GLMN: variants seen among roughly 807,000 people sequenced by gnomAD.
GLMN encodes glomulin.
Under a neutral mutation model 87.8 loss-of-function variants are expected in GLMN, and 75 were observed. That is an observed-to-expected ratio of 0.85 (90% CI 0.71 to 1.04). The LOEUF is 1.04. Ranked by LOEUF, GLMN falls within the 50% of genes least tolerant of loss-of-function variation. The pLI is 0.00. For synonymous variants in GLMN, 206 were observed against 221.6 expected (o/e 0.93, Z 0.63); for missense variants, 588 against 658.8 (o/e 0.89, Z 1.18).
chr1:92,348,540 C>A, the GLMN span, among the ~76,000 whole-genome samples: 32 of 152,208 alleles, frequency 2.1e-4, no homozygotes, highest in Non-Finnish European at 4.4e-4. Context: ...TCTCCCTATT[C>A]TTTTGATCAT....
intron 16 of GLMN, among the ~76,000 whole-genome samples, chr1:92,261,566 G>GA (rs1199614475): frequency 6.6e-6 from 1 of 152,192 alleles, no homozygotes; most frequent in African/African-American, 2.4e-5. Flanking sequence ...AATTAACTAG[G>GA]AAGGGGTATG....
intron 16 of GLMN, among the ~76,000 whole-genome samples, chr1:92,258,327 T>C (rs1337974778): frequency 1.3e-5 from 2 of 152,180 alleles, no homozygotes; most frequent in South Asian, 4.1e-4. Context: ...AGTTCAACCA[T>C]TGTGGAAGAC....
chr1:92,316,832 A>T, the GLMN span, among the ~76,000 whole-genome samples: 1 of 152,220 alleles, frequency 6.6e-6, no homozygotes, highest in African/African-American at 2.4e-5. Context: ...AGCACCTAGC[A>T]AAAACAAACT....
chr1:92,351,543 G>A, the GLMN span, among the ~76,000 whole-genome samples: 2 of 151,980 alleles, frequency 1.3e-5, no homozygotes, highest in Non-Finnish European at 2.9e-5. Flanking sequence ...AGGACACATC[G>A]CTCAGCTTCT....
intron 7 of GLMN, among the ~76,000 whole-genome samples, chr1:92,279,152 T>G (rs976938675): frequency 6.6e-6 from 1 of 152,140 alleles, no homozygotes; most frequent in East Asian, 1.9e-4. Context: ...TAAAGTCACT[T>G]TGTACATTAA....
the GLMN span, chr1:92,323,510 C>G: frequency 1.2e-6 from 2 of 1,613,870 alleles, no homozygotes; most frequent in Admixed American, 3.3e-5. Flanking sequence ...ATCGACAATC[C>G]TAGCCACTTT....
chr1:92,340,648 GC>G, the GLMN span, among the ~76,000 whole-genome samples: 381 of 152,236 alleles, frequency 2.5e-3, 3 homozygotes, highest in South Asian at 9.1e-3. Flanking sequence ...TTTTCTAAAA[GC>G]CCCCCTTAGA....
At chr1:92,327,780 A>G in the GLMN span, among the ~76,000 whole-genome samples, 3 of 150,984 alleles carry the variant, frequency 2.0e-5, no homozygotes, top group African/African-American at 4.9e-5. Flanking sequence ...AAGAGATTCT[A>G]TTTTGGTATT....
intron 7 of GLMN, among the ~76,000 whole-genome samples, chr1:92,278,501 C>CT (rs1186544933): frequency 2.6e-5 from 4 of 152,194 alleles, no homozygotes; most frequent in Non-Finnish European, 5.9e-5. Context: ...TCTAGCATCC[C>CT]TTCATCTGAC....
chr1:92,341,267 C>A, the GLMN span, among the ~76,000 whole-genome samples: 86 of 152,290 alleles, frequency 5.6e-4, 1 homozygote, highest in African/African-American at 1.9e-3. Context: ...CCTCAGACTT[C>A]CAAAGTGCTG....
At chr1:92,297,917 C>T in intron 2 of GLMN, 44 bp downstream of exon 2, 1 of 915,340 alleles carries the variant, frequency 1.1e-6, no homozygotes, top group Non-Finnish European at 1.8e-6. Context: ...TGTGCCCTTC[C>T]CATATTTTGA....
intron 16 of GLMN, chr1:92,248,246 T>G: frequency 2.9e-6 from 1 of 341,622 alleles, no homozygotes; most frequent in South Asian, 3.8e-5. Context: ...TGTTAAGTTT[T>G]ATTTATGAGA....
At chr1:92,361,521 C>T in the GLMN span, among the ~76,000 whole-genome samples, 1 of 152,080 alleles carries the variant, frequency 6.6e-6, no homozygotes, top group Non-Finnish European at 1.5e-5. Flanking sequence ...TAGTTGCTTA[C>T]TATTGTGACT....
At chr1:92,285,094 C>A (rs895059349) in intron 7 of GLMN, among the ~76,000 whole-genome samples, 3 of 152,092 alleles carry the variant, frequency 2.0e-5, no homozygotes, top group African/African-American at 7.2e-5. Flanking sequence ...TACCATTTGA[C>A]CCAGCCATCC....
chr1:92,346,246 C>T, the GLMN span, among the ~76,000 whole-genome samples: 1 of 151,948 alleles, frequency 6.6e-6, no homozygotes, highest in African/African-American at 2.4e-5. Flanking sequence ...TCACTGCCAC[C>T]TCTGCCTCCC....
intron 7 of GLMN, among the ~76,000 whole-genome samples, chr1:92,272,404 T>G (rs1179611050): frequency 6.6e-6 from 1 of 152,196 alleles, no homozygotes; most frequent in Non-Finnish European, 1.5e-5. Flanking sequence ...AAAATCGTAT[T>G]TTACATAGCA....
intron 1 of GLMN, 66 bp downstream of exon 1, chr1:92,298,859 G>A (rs1287922369): frequency 2.5e-6 from 1 of 400,770 alleles, no homozygotes; most frequent in Non-Finnish European, 4.4e-6. Flanking sequence ...GCAGCACCAA[G>A]TCCGCCGCGG....
the GLMN span, among the ~76,000 whole-genome samples, chr1:92,328,582 C>G: frequency 6.6e-6 from 1 of 152,180 alleles, no homozygotes; most frequent in Admixed American, 6.5e-5. Flanking sequence ...TTAAGTTGGG[C>G]CTCACCTTTC....
the GLMN span, among the ~76,000 whole-genome samples, chr1:92,312,900 CA>C: frequency 7.9e-5 from 12 of 151,862 alleles, no homozygotes; most frequent in African/African-American, 2.9e-4. Flanking sequence ...TGGCTCACTA[CA>C]ACCTCTGCCT....
Sources: gnomAD v4.1 joint callset for allele counts (sites outside exome capture counted in the v4.1 genomes callset) on GRCh38, gnomAD v4.1.1 for gene constraint, MANE v1.5 for transcripts, NCBI Gene and HGNC (gene_info 2026-07-23, HGNC 2026-07-21) for gene names.